Variants in LRP3 observed in about 807,000 individuals in gnomAD.
LRP3 encodes the protein LDL receptor related protein 3, also known as low-density lipoprotein receptor-related protein 3.
LRP3 carries 49 observed loss-of-function variants against 58.5 expected under a neutral mutation model. The ratio of observed to expected loss-of-function variants is 0.84; its 90% CI spans 0.67 to 1.06. The LOEUF is 1.06. LRP3 is among the 50% of genes least tolerant of loss of function. The probability of loss-of-function intolerance (pLI) is 0.00; values close to 1 mark genes in which losing one functional copy is unlikely to be tolerated. For missense variants in LRP3, 1,019 were observed against 1,134.2 expected, an observed-to-expected ratio of 0.90 and a Z score of 1.46; for synonymous variants, 485 against 492.2, an observed-to-expected ratio of 0.99 and a Z score of 0.20.
Position 33,206,020 on chromosome 19 carries a change from C to T in LRP3, c.1250C>T (p.Pro417Leu), listed in dbSNP as rs141872606. 1.7e-4 allele frequency: 272 copies of T among 1,583,928 alleles called. No individual in the cohort carries two copies. Among genetic ancestry groups the T allele is most frequent in the Non-Finnish European group, 2.2e-4 (252 of 1,166,040 alleles). Residue 417 changes from proline to leucine, a missense_variant, in exon 5 of 7, where the codon CCG becomes CTG. This residue lies in a region of LRP3 where 592 missense variants were observed against 725.5 expected (regional missense o/e 0.82). Coordinates refer to ENST00000253193, the MANE Select transcript of LRP3 (RefSeq NM_002333.4). ...GRDEQGCPAC[P>L]PDQYPCEGGS... ...GACGAGCAGGGCTGCCCTGCCTGCC[C>T]GCCCGACCAGTACCCCTGCGAGGGT...
intron 2 of LRP3, among the ~76,000 whole-genome samples, chr19:33,200,915 C>T (rs1414659751): frequency 6.6e-6 from 1 of 152,160 alleles, no homozygotes; most frequent in Non-Finnish European, 1.5e-5. Flanking sequence ...TGTTCTTATC[C>T]TTGATGCTCT....
intron 3 of LRP3, 72 bp from the exon 4 acceptor site, chr19:33,204,566 C>G (rs1974378228): frequency 3.5e-6 from 4 of 1,158,392 alleles, no homozygotes; most frequent in Middle Eastern, 2.8e-4. Flanking sequence ...AGCCTGACCA[C>G]TCCCTGCTGG....
rs764587939 is a variant in LRP3, at chr19:33,207,529, C to T, written c.2267C>T (p.Ser756Phe). 3.1e-6 allele frequency: 5 copies of T among 1,605,948 alleles called. No individual in the cohort carries two copies. The highest frequency in any genetic ancestry group is 1.7e-5 in the Admixed American group (1 of 59,906). Reference sequence around the variant, plus strand: ...TGCAGGAACCCCCCGCCCCCCTGCTCCCCAATGCTGGAGGCCAGCGATGAT... The same window carrying T: ...TGCAGGAACCCCCCGCCCCCCTGCTTCCCAATGCTGGAGGCCAGCGATGAT... ...GVCRNPPPPCSPMLEASDDEA... is the reference protein window; with the variant it reads ...GVCRNPPPPCFPMLEASDDEA... The change falls in exon 7 of 7, where the codon TCC (serine) becomes TTC (phenylalanine). Residue 756 changes from serine (S) to phenylalanine (F), a missense_variant. Ser to Phe is a radical substitution (Grantham distance 155, BLOSUM62 -2). Transcript: ENST00000253193.
chr19:33,199,258 A>G (rs1974316783), intron 2 of LRP3, among the ~76,000 whole-genome samples: 1 of 151,896 alleles, frequency 6.6e-6, no homozygotes, highest in Non-Finnish European at 1.5e-5. Context: ...CCCCCTCCTC[A>G]TTGGCAACCC....
In LRP3 at chr19:33,194,832, G is replaced by A; in HGVS notation, c.47G>A (p.Arg16Gln). 9.4e-7 allele frequency: 1 copy of A among 1,063,574 alleles called. No individual in the cohort carries two copies. Among genetic ancestry groups the A allele is most frequent in the African/African-American group, 1.7e-5 (1 of 58,508 alleles). The allele number at this position is 1,063,574 out of a possible 1,614,324, so 65.9% of individuals were successfully genotyped here. Residue 16 changes from arginine (R) to glutamine (Q), a missense_variant, in exon 1 of 7, where the codon CGG (arginine) becomes CAG (glutamine). By Grantham distance (43) the Arg-to-Gln change is conservative. Transcript: ENST00000253193. ...AAGLEGAPGA[R>Q]AQLAVVCLVN... is the part of the protein sequence containing the mutation. ...GGGCTGGAGGGCGCGCCGGGCGCCCGGGCGCAGCTGGCCGTCGTCTGTCTG... is the reference window on the plus strand; with the variant it reads ...GGGCTGGAGGGCGCGCCGGGCGCCCAGGCGCAGCTGGCCGTCGTCTGTCTG...
chr19:33,195,362 C>G (rs183120068), intron 1 of LRP3, among the ~76,000 whole-genome samples: 1 of 152,150 alleles, frequency 6.6e-6, no homozygotes, highest in Non-Finnish European at 1.5e-5. Context: ...TGTCTCTCAG[C>G]CCCCAGGCAG....
chr19:33,207,988 A>G lies in LRP3; in HGVS notation c.*413A>G, dbSNP rs1008276278. 8.8e-5 allele frequency: 18 copies of G among 204,682 alleles called. No individual in the cohort carries two copies. Among genetic ancestry groups the G allele is most frequent in the African/African-American group, 2.6e-4 (11 of 42,456 alleles). The allele number at this position is 204,682 out of a possible 1,614,324, so 12.7% of individuals were successfully genotyped here. A position where few individuals can be genotyped will look rare whatever the true frequency, so the allele number is the denominator to read the frequency against. ...ACGCTGGGTCTCATCCGTGGTGACT[A>G]TTTTGCTCACGCCTCACCCTCTTCC... On this transcript the variant is annotated 3_prime_UTR_variant, in exon 7 of 7. Coordinates refer to ENST00000253193, the MANE Select transcript of LRP3 (RefSeq NM_002333.4).
intron 4 of LRP3, 99 bp downstream of exon 4, chr19:33,204,951 C>G: frequency 3.5e-6 from 4 of 1,155,446 alleles, no homozygotes; most frequent in Non-Finnish European, 4.9e-6. Flanking sequence ...AGGGCCCCGG[C>G]TCCCTGTGGG....
chr19:33,206,683 CA>C lies in LRP3; in HGVS notation c.1676del (p.Gln559ArgfsTer67). 6.4e-7 allele frequency: 1 copy of C among 1,562,948 alleles called. No homozygotes were observed. Among genetic ancestry groups the C allele is most frequent in the Non-Finnish European group, 8.6e-7 (1 of 1,156,150 alleles). On this transcript the variant is annotated frameshift_variant, in exon 6 of 7. Transcript: ENST00000253193. LOFTEE classifies it high-confidence loss of function. ...APPSYGQLIA[Q>X]GLIPPVEDFP... ...CCCATCCTATGGTCAGCTCATCGCC[CA>C]GGGCCTCATTCCACCCGTGGAGGAC...
In LRP3 at chr19:33,206,669, G is replaced by A; in HGVS notation, c.1661G>A (p.Gly554Asp). 6.3e-7 allele frequency: 1 copy of A among 1,581,048 alleles called. No homozygotes were observed. The highest frequency in any genetic ancestry group is 1.2e-5 in the South Asian group (1 of 85,724). ...FVRREAPPSY[G>D]QLIAQGLIPP... ...CGGCGGGAGGCACCCCCATCCTATG[G>A]TCAGCTCATCGCCCAGGGCCTCATT... Residue 554 changes from glycine (G) to aspartate (D), a missense_variant, in exon 6 of 7, where the codon GGT becomes GAT. Gly to Asp is a moderately conservative substitution (Grantham distance 94). Transcript: ENST00000253193.
Position 33,207,337 on chromosome 19 carries a change from A to C in LRP3, c.2075A>C (p.Glu692Ala). 6.3e-7 allele frequency: 1 copy of C among 1,581,708 alleles called. No homozygotes were observed. Among genetic ancestry groups the C allele is most frequent in the Non-Finnish European group, 8.5e-7 (1 of 1,170,778 alleles). The change falls in exon 7 of 7, where the codon GAG becomes GCG. Residue 692 changes from glutamate to alanine, a missense_variant. By Grantham distance (107) the Glu-to-Ala change is moderately radical. Transcript: ENST00000253193. The stretch of plus-strand genomic sequence containing the variant: ...TTGCCCTCGGGCCTGCGAGACCCAG[A>C]GTGCAGGCCCGTGGACAAGGACAGA... ...PPLPSGLRDP[E>A]CRPVDKDRKV... is the part of the protein sequence containing the mutation.
Position 33,205,442 on chromosome 19 carries a change from C to T in LRP3, c.672C>T (p.Ser224=), listed in dbSNP as rs1319917738. 6 of 1,588,196 alleles carry T rather than the reference C, an allele frequency of 3.8e-6. No individual in the cohort carries two copies. Among genetic ancestry groups the T allele is most frequent in the Non-Finnish European group, 5.1e-6 (6 of 1,168,750 alleles). The change falls in exon 5 of 7, where the codon TCC becomes TCT. Residue 224 remains serine (S), a synonymous_variant. Coordinates refer to ENST00000253193, the MANE Select transcript of LRP3 (RefSeq NM_002333.4). ...CCTTCCCATGCAGCGGGGCGCGCTC[C>T]ACGCGCTGCCTGCCTGTGGAGCGGC... ...GGTFPCSGAR[S]TRCLPVERRC... is the part of the protein sequence containing the mutation.
intron 2 of LRP3, 130 bp from the exon 3 acceptor site, chr19:33,202,718 G>T: frequency 9.4e-7 from 1 of 1,065,772 alleles, no homozygotes; most frequent in Non-Finnish European, 1.3e-6. Context: ...CCTTGCCCTT[G>T]GCCATGGCCA....
chr19:33,194,944 G>A (rs1243599230), intron 1 of LRP3, 86 bp downstream of exon 1: 11 of 653,928 alleles, frequency 1.7e-5, no homozygotes, highest in Non-Finnish European at 2.2e-5. Flanking sequence ...CTCCGGCCGC[G>A]GCATCCCGAG....
rs34666491 is a variant in LRP3, at chr19:33,203,324, ATGTG to A, written c.260+347_260+350del. On this transcript the variant is annotated intron_variant, in intron 3 of 6. Transcript: ENST00000253193. ...CACATGTAAGTAGGTGTGTGTGCAT[ATGTG>A]TGTGTGTGCATGTATGTGAACACAT... Among the ~76,000 whole-genome samples, 2 of 140,002 alleles carry A rather than the reference ATGTG, an allele frequency of 1.4e-5. 1 individual carries two copies. Among genetic ancestry groups the A allele is most frequent in the South Asian group, 4.5e-4 (2 of 4,426 alleles). 91.8% of individuals were successfully genotyped at this position (140,002 alleles called of 152,430 possible). A position where few individuals can be genotyped will look rare whatever the true frequency, so the allele number is the denominator to read the frequency against.
chr19:33,206,569 C>A (rs1296650745), intron 5 of LRP3, 32 bp from the exon 6 acceptor site: 2 of 1,600,104 alleles, frequency 1.2e-6, no homozygotes, highest in Non-Finnish European at 1.7e-6. Flanking sequence ...CCGGGCAGCC[C>A]AGTCATGTCG....
At chr19:33,203,232 ATGTG>A (rs201058074) in intron 3 of LRP3, among the ~76,000 whole-genome samples, 13 of 151,548 alleles carry the variant, frequency 8.6e-5, no homozygotes, top group African/African-American at 2.7e-4. Flanking sequence ...GTGCATGCAG[ATGTG>A]TGTGTGTGAG....
At chr19:33,198,902 T>C (rs1242533848) in intron 2 of LRP3, among the ~76,000 whole-genome samples, 2 of 152,178 alleles carry the variant, frequency 1.3e-5, no homozygotes, top group East Asian at 1.9e-4. Context: ...ACTTTGGAAA[T>C]TGGATCTGCA....
In LRP3 at chr19:33,207,390, G is replaced by A. The variant is rs376795541; in HGVS notation, c.2128G>A (p.Gly710Ser). 2.7e-5 allele frequency: 43 copies of A among 1,585,770 alleles called. No homozygotes were observed. The highest frequency in any genetic ancestry group is 2.7e-4 in the African/African-American group (20 of 74,670). The change falls in exon 7 of 7, where the codon GGC (glycine) becomes AGC (serine). Residue 710 changes from glycine (G) to serine (S), a missense_variant. Gly to Ser is a moderately conservative substitution (Grantham distance 56). Transcript: ENST00000253193. ...GGTCTGCAGGGAGCCACTGGTAGAC[G>A]GCCCAGCTCCTGCAGATGCACCTCG... ...RKVCREPLVDGPAPADAPREP... is the reference protein window; with the variant it reads ...RKVCREPLVDSPAPADAPREP...
Sources: gnomAD v4.1 joint callset for allele counts (sites outside exome capture counted in the v4.1 genomes callset) on GRCh38, gnomAD v4.1.1 for gene constraint, gnomAD v4.1.1 regional missense constraint, MANE v1.5 for transcripts, NCBI Gene and HGNC (gene_info 2026-07-23, HGNC 2026-07-21) for gene names.